MYO18B: variants seen among roughly 807,000 people sequenced by gnomAD.
MYO18B encodes the protein unconventional myosin-XVIIIb.
MYO18B carries 204 observed loss-of-function variants against 273.0 expected under a neutral mutation model. The ratio of observed to expected loss-of-function variants is 0.75; its 90% confidence interval spans 0.67 to 0.84. The LOEUF (loss-of-function observed/expected upper bound fraction) is 0.84. MYO18B is among the 40% of genes least tolerant of loss of function. The pLI is 0.00. For missense variants in MYO18B, 3,212 were observed against 3,287.6 expected, an observed-to-expected ratio of 0.98 and a Z score of 0.56; for synonymous variants, 1,330 against 1,305.7, an observed-to-expected ratio of 1.02 and a Z score of -0.40.
Position 25,842,672 on chromosome 22 carries a change from CAAA to C in MYO18B, c.3209-1043_3209-1041del, listed in dbSNP as rs695584. Among the ~76,000 whole-genome samples the C allele has an allele frequency of 0.017, 1,095 of 64,558 alleles. 29 individuals carry two copies. In the East Asian group the frequency reaches 0.19, roughly 11 times the overall value. 42.4% of individuals were successfully genotyped at this position (64,558 alleles called of 152,430 possible). ...GGGTGACAAGAGTGAAACTCCGTCTCAAAAAAAAAAAAAAAAAAAAAATTCATC... is the reference window on the plus strand; with the variant it reads ...GGGTGACAAGAGTGAAACTCCGTCTCAAAAAAAAAAAAAAAAAAATTCATC... On this transcript the variant is annotated intron_variant, in intron 17 of 43. Coordinates refer to ENST00000335473, the MANE Select transcript of MYO18B (RefSeq NM_032608.7).
intron 16 of MYO18B, among the ~76,000 whole-genome samples, chr22:25,834,805 C>A (rs1259743679): frequency 6.6e-6 from 1 of 152,162 alleles, no homozygotes; most frequent in African/African-American, 2.4e-5. Context: ...CTGAAATGTT[C>A]TTTGAGTGCT....
At chr22:25,861,707 C>T (rs186376785) in intron 21 of MYO18B, among the ~76,000 whole-genome samples, 172 of 152,160 alleles carry the variant, frequency 1.1e-3, no homozygotes, top group Non-Finnish European at 2.0e-3. Flanking sequence ...TTCTTTTAGT[C>T]CTATCCTCCT....
At chr22:26,039,878 A>G in the MYO18B span, among the ~76,000 whole-genome samples, 12 of 152,084 alleles carry the variant, frequency 7.9e-5, no homozygotes, top group Non-Finnish European at 1.5e-4. Context: ...AGGCTGGAGT[A>G]CAGTGCCATG....
intron 32 of MYO18B, among the ~76,000 whole-genome samples, chr22:25,909,786 C>T (rs1253077885): frequency 6.6e-6 from 1 of 152,212 alleles, no homozygotes; most frequent in Admixed American, 6.5e-5. Context: ...CAGTCTATCT[C>T]TCACGTTGGC....
chr22:26,057,338 A>C, the MYO18B span, among the ~76,000 whole-genome samples: 1 of 152,286 alleles, frequency 6.6e-6, no homozygotes, highest in African/African-American at 2.4e-5. Context: ...AATATCAATA[A>C]TAATATGATT....
chr22:25,939,740 G>A (rs371037380), intron 34 of MYO18B, among the ~76,000 whole-genome samples: 150 of 152,274 alleles, frequency 9.9e-4, no homozygotes, highest in East Asian at 3.1e-3. Flanking sequence ...TGTACAGAGC[G>A]TCTGTAGTGG....
intron 33 of MYO18B, among the ~76,000 whole-genome samples, chr22:25,918,510 T>G (rs1035663640): frequency 6.6e-6 from 1 of 152,126 alleles, no homozygotes; most frequent in Non-Finnish European, 1.5e-5. Flanking sequence ...ACCTAATGAG[T>G]GATATTTTTT....
intron 38 of MYO18B, among the ~76,000 whole-genome samples, chr22:25,954,508 T>C (rs1453597837): frequency 6.6e-6 from 1 of 151,900 alleles, no homozygotes; most frequent in Non-Finnish European, 1.5e-5. Context: ...CACCCAAGCC[T>C]TCTGCATACC....
intron 39 of MYO18B, among the ~76,000 whole-genome samples, chr22:25,986,442 C>T (rs997834400): frequency 9.9e-5 from 15 of 152,080 alleles, no homozygotes; most frequent in African/African-American, 3.6e-4. Flanking sequence ...ATTGCTACCA[C>T]TTTGTTGCAA....
intron 12 of MYO18B, among the ~76,000 whole-genome samples, chr22:25,805,715 C>T (rs932826281): frequency 2.0e-5 from 3 of 152,220 alleles, no homozygotes; most frequent in Non-Finnish European, 1.5e-5. Context: ...GCCCACCTCT[C>T]CAGCCTCAGT....
intron 2 of MYO18B, 179 bp from the exon 3 acceptor site, chr22:25,763,052 C>G (rs754845835): frequency 2.6e-6 from 2 of 782,682 alleles, no homozygotes; most frequent in Admixed American, 1.7e-5. Flanking sequence ...CATGCGCTGT[C>G]TCAGGGACCC....
At chr22:25,918,516 T>G (rs958720436) in intron 33 of MYO18B, among the ~76,000 whole-genome samples, 4 of 152,180 alleles carry the variant, frequency 2.6e-5, no homozygotes, top group Non-Finnish European at 5.9e-5. Context: ...TGAGTGATAT[T>G]TTTTGCCCTC....
intron 11 of MYO18B, among the ~76,000 whole-genome samples, chr22:25,787,206 C>T (rs899766831): frequency 6.6e-6 from 1 of 151,426 alleles, no homozygotes; most frequent in Non-Finnish European, 1.5e-5. Context: ...CAGAGCGAGA[C>T]TCTGTCTCAG....
chr22:26,028,532 A>C (rs1936450028), intron 43 of MYO18B: 1 of 152,210 alleles, frequency 6.6e-6, no homozygotes, highest in South Asian at 2.1e-4. Context: ...ATGCAGGATA[A>C]GTAACTACTT....
At position 25,883,544 on chromosome 22, in the gene MYO18B, G is replaced by A. The variant is rs573133932; in HGVS notation, c.4314+5496G>A. 1.3e-5 allele frequency: 2 copies of A among 152,322 alleles called. No individual in the cohort carries two copies. The highest frequency in any genetic ancestry group is 6.5e-5 in the Admixed American group (1 of 15,294). 9.4% of individuals were successfully genotyped at this position (152,322 alleles called of 1,614,324 possible). A position where few individuals can be genotyped will look rare whatever the true frequency, so the allele number is the denominator to read the frequency against. ...GGGACCACACTTTGAGACACATTAG[G>A]CCAGAGAACAGCTAGAAGATATCTT... On this transcript the variant is annotated intron_variant, in intron 25 of 43. Transcript: ENST00000335473. The surrounding 1 kb of genome is among the most constrained non-coding windows in gnomAD (Gnocchi z 7.6).
intron 11 of MYO18B, among the ~76,000 whole-genome samples, chr22:25,795,090 T>C (rs1325386515): frequency 6.6e-6 from 1 of 152,228 alleles, no homozygotes; most frequent in East Asian, 1.9e-4. Flanking sequence ...TCTCAGTGGC[T>C]TGTTCTTTTT....
chr22:25,772,834 A>G (rs757230975), intron 7 of MYO18B, among the ~76,000 whole-genome samples: 1 of 152,208 alleles, frequency 6.6e-6, no homozygotes, highest in Admixed American at 6.5e-5. Context: ...TGAGTCTCAC[A>G]TATCCACCTG....
chr22:25,816,198 C>T (rs1037059162), intron 12 of MYO18B, among the ~76,000 whole-genome samples: 40 of 152,106 alleles, frequency 2.6e-4, no homozygotes, highest in Non-Finnish European at 7.4e-5. Flanking sequence ...GCCACAGCTG[C>T]CTGAATTGGA....
chr22:25,893,781 AC>A (rs2091726507), intron 27 of MYO18B, among the ~76,000 whole-genome samples: 1 of 151,170 alleles, frequency 6.6e-6, no homozygotes, highest in Non-Finnish European at 1.5e-5. Flanking sequence ...CCACCCATCC[AC>A]CCATCCACCC....
Sources: allele counts gnomAD v4.1 joint callset (sites outside exome capture counted in the v4.1 genomes callset), GRCh38; gene constraint gnomAD v4.1.1; non-coding constraint Gnocchi (gnomAD v3.1); transcripts MANE v1.5; gene names NCBI Gene and HGNC (gene_info 2026-07-23, HGNC 2026-07-21).